ST6GALNAC3: variants seen among roughly 807,000 people sequenced by gnomAD.
ST6GALNAC3 encodes the protein ST6 N-acetylgalactosaminide alpha-2,6-sialyltransferase 3, also known as alpha-N-acetylgalactosaminide alpha-2,6-sialyltransferase 3.
In ST6GALNAC3, 25 loss-of-function variants were observed where a neutral mutation model predicts 32.7. The observed-to-expected ratio is 0.76, with a 90% confidence interval of 0.56 to 1.07. The LOEUF (loss-of-function observed/expected upper bound fraction) is 1.07, where lower values mean the gene tolerates loss of function less well. Ranked by LOEUF, ST6GALNAC3 falls within the 50% of genes least tolerant of loss-of-function variation. The probability of loss-of-function intolerance (pLI) is 0.00; values close to 1 mark genes in which losing one functional copy is unlikely to be tolerated. For missense variants in ST6GALNAC3, 355 were observed against 382.4 expected, an observed-to-expected ratio of 0.93 and a Z score of 0.60; for synonymous variants, 129 against 133.1, an observed-to-expected ratio of 0.97 and a Z score of 0.21.
chr1:76,518,155 T>C (rs193127862), intron 3 of ST6GALNAC3, among the ~76,000 whole-genome samples: 21 of 152,110 alleles, frequency 1.4e-4, no homozygotes, highest in Non-Finnish European at 2.9e-4. Context: ...AAGTTGACCT[T>C]ATATTTTTGA....
chr1:76,272,741 G>A (rs1031623869), intron 1 of ST6GALNAC3, among the ~76,000 whole-genome samples: 11 of 152,180 alleles, frequency 7.2e-5, no homozygotes, highest in African/African-American at 2.7e-4. Flanking sequence ...CACCCCCAAA[G>A]AACACCCTTG....
chr1:76,338,478 C>T (rs941164435), intron 2 of ST6GALNAC3, among the ~76,000 whole-genome samples: 1 of 152,228 alleles, frequency 6.6e-6, no homozygotes, highest in Non-Finnish European at 1.5e-5. Flanking sequence ...AGAAGCTTGA[C>T]ATCCCTGGCC....
At chr1:76,501,422 G>C (rs1356798416) in intron 3 of ST6GALNAC3, among the ~76,000 whole-genome samples, 5 of 152,140 alleles carry the variant, frequency 3.3e-5, no homozygotes, top group African/African-American at 7.2e-5. Context: ...ACAAACACCA[G>C]GGACAAGAAA....
chr1:76,418,100 C>T (rs1654769484), intron 3 of ST6GALNAC3, among the ~76,000 whole-genome samples: 1 of 152,214 alleles, frequency 6.6e-6, no homozygotes, highest in Middle Eastern at 3.4e-3. Context: ...TGTGTCATTC[C>T]TCACTATCTT....
At chr1:76,297,459 A>G (rs1204024301) in intron 1 of ST6GALNAC3, among the ~76,000 whole-genome samples, 2 of 152,098 alleles carry the variant, frequency 1.3e-5, no homozygotes, top group African/African-American at 4.8e-5. Context: ...CAGAAATATG[A>G]CTAAATAAAT....
chr1:76,157,643 C>A (rs1305715396), intron 1 of ST6GALNAC3, among the ~76,000 whole-genome samples: 2 of 152,142 alleles, frequency 1.3e-5, no homozygotes, highest in African/African-American at 4.8e-5. Flanking sequence ...ACCCTGACTG[C>A]CTAAATGATT....
At chr1:76,131,751 GTCTT>G (rs1649624448) in intron 1 of ST6GALNAC3, among the ~76,000 whole-genome samples, 3 of 152,162 alleles carry the variant, frequency 2.0e-5, no homozygotes, top group Admixed American at 2.0e-4. Flanking sequence ...AAAGAGTAAT[GTCTT>G]TCTTTCCACA....
At chr1:76,621,373 A>G (rs1037907018) in intron 3 of ST6GALNAC3, among the ~76,000 whole-genome samples, 1 of 151,982 alleles carries the variant, frequency 6.6e-6, no homozygotes, top group Non-Finnish European at 1.5e-5. Context: ...CAGCCACAGA[A>G]TGATGTTTTT....
chr1:76,078,804 A>G (rs1319492597), intron 1 of ST6GALNAC3, among the ~76,000 whole-genome samples: 1 of 151,920 alleles, frequency 6.6e-6, no homozygotes, highest in Non-Finnish European at 1.5e-5. Flanking sequence ...TTTTTGAGAC[A>G]GAGTCTCACT....
chr1:76,252,862 G>C (rs983056805), intron 1 of ST6GALNAC3, among the ~76,000 whole-genome samples: 1 of 152,070 alleles, frequency 6.6e-6, no homozygotes, highest in African/African-American at 2.4e-5. Flanking sequence ...AATCTCTCAT[G>C]GACCAAGGAT....
intron 1 of ST6GALNAC3, among the ~76,000 whole-genome samples, chr1:76,140,707 C>CCTGGGTCA (rs759444243): frequency 6.7e-5 from 10 of 149,488 alleles, no homozygotes; most frequent in Non-Finnish European, 1.5e-4. Flanking sequence ...TCCTTGGACT[C>CCTGGGTCA]CTGGGTCAAG....
intron 2 of ST6GALNAC3, among the ~76,000 whole-genome samples, chr1:76,369,054 C>A (rs1054995445): frequency 5.9e-5 from 9 of 152,124 alleles, no homozygotes; most frequent in Non-Finnish European, 1.3e-4. Flanking sequence ...ATGTTGCTTA[C>A]CTTTTTGATA....
chr1:76,417,152 A>G (rs199548822), intron 3 of ST6GALNAC3, among the ~76,000 whole-genome samples: 1 of 151,328 alleles, frequency 6.6e-6, no homozygotes, highest in East Asian at 1.9e-4. Context: ...AGGCTAAGAG[A>G]GCAGATAGAG....
intron 1 of ST6GALNAC3, among the ~76,000 whole-genome samples, chr1:76,218,020 A>G (rs1440070461): frequency 6.6e-6 from 1 of 151,892 alleles, no homozygotes; most frequent in Non-Finnish European, 1.5e-5. Flanking sequence ...CTTTTCCTCT[A>G]GGTAGATACC....
chr1:76,598,518 C>G (rs996646189), intron 3 of ST6GALNAC3, among the ~76,000 whole-genome samples: 1 of 152,112 alleles, frequency 6.6e-6, no homozygotes, highest in Non-Finnish European at 1.5e-5. Context: ...AAACTGATTT[C>G]GATCTCTTGG....
rs2100242813 is a variant in ST6GALNAC3, at chr1:76,134,360, T to A, written c.18+59476T>A. 1.3e-5 allele frequency among the ~76,000 whole-genome samples: 2 copies of A among 152,360 alleles called. 1 individual carries two copies. Among genetic ancestry groups the A allele is most frequent in the Admixed American group, 1.3e-4 (2 of 15,302 alleles). Reference sequence around the variant, plus strand: ...TTTCCATATAAATTGTTGACTGAATTGAGAATGAGTAAATGCCCTTCACCT... The same window carrying A: ...TTTCCATATAAATTGTTGACTGAATAGAGAATGAGTAAATGCCCTTCACCT... On this transcript the variant is annotated intron_variant, in intron 1 of 4. Coordinates refer to ENST00000328299, the MANE Select transcript of ST6GALNAC3 (RefSeq NM_152996.4).
rs993933354 is a variant in ST6GALNAC3, at chr1:76,485,153, T to C, written c.623+72736T>C. Among the ~76,000 whole-genome samples the C allele has an allele frequency of 1.8e-4, 28 of 152,322 alleles. No individual in the cohort carries two copies. In the Middle Eastern group the frequency reaches 0.014, roughly 74 times the overall value. ...ATTTTACTGAGGATTTTTGCATCGA[T>C]GTTCATCAGGGATATTGGTCTAAAA... On this transcript the variant is annotated intron_variant, in intron 3 of 4. Coordinates refer to ENST00000328299, the MANE Select transcript of ST6GALNAC3 (RefSeq NM_152996.4).
chr1:76,529,128 A>C (rs970179176), intron 3 of ST6GALNAC3, among the ~76,000 whole-genome samples: 10 of 152,074 alleles, frequency 6.6e-5, no homozygotes, highest in Non-Finnish European at 1.0e-4. Context: ...AGAAGTGAAT[A>C]ATAATTGTTA....
chr1:76,553,827 G>A (rs1008815271), intron 3 of ST6GALNAC3, among the ~76,000 whole-genome samples: 1 of 152,140 alleles, frequency 6.6e-6, no homozygotes, highest in African/African-American at 2.4e-5. Context: ...TGCTTTTGGT[G>A]GTAAAATGCC....
Sources: gnomAD v4.1 joint callset for allele counts (sites outside exome capture counted in the v4.1 genomes callset) on GRCh38, gnomAD v4.1.1 for gene constraint, MANE v1.5 for transcripts, NCBI Gene and HGNC (gene_info 2026-07-23, HGNC 2026-07-21) for gene names.